The following DHX57 variants were observed in gnomAD, a reference collection of about 807,000 sequenced individuals.
DHX57 encodes the protein putative ATP-dependent RNA helicase DHX57.
In DHX57, 105 loss-of-function variants were observed where a neutral mutation model predicts 156.2. The ratio of observed to expected loss-of-function variants is 0.67; its 90% CI spans 0.57 to 0.79. The LOEUF (loss-of-function observed/expected upper bound fraction) is 0.79. Ranked by LOEUF, DHX57 falls within the 30% of genes least tolerant of loss-of-function variation. The pLI is 0.00. For missense variants in DHX57, 1,847 were observed against 1,661.9 expected, an observed-to-expected ratio of 1.11 and a Z score of -1.94; for synonymous variants, 704 against 595.6, an observed-to-expected ratio of 1.18 and a Z score of -2.65.
chr2:38,807,898 T>G (rs534767928), intron 21 of DHX57, among the ~76,000 whole-genome samples: 153 of 148,550 alleles, frequency 1.0e-3, no homozygotes, highest in African/African-American at 3.6e-3. Context: ...TACTTCCCTC[T>G]GTCTCCCAAA....
At chr2:38,865,978 A>G (rs1217492396) in intron 2 of DHX57, among the ~76,000 whole-genome samples, 1 of 152,132 alleles carries the variant, frequency 6.6e-6, no homozygotes, top group Non-Finnish European at 1.5e-5. Flanking sequence ...ACACTGCACA[A>G]AGGTTCCTGG....
At chr2:38,856,153 CTTTAAA>C (rs1474926972) in intron 7 of DHX57, among the ~76,000 whole-genome samples, 181 bp downstream of exon 7, 1 of 152,204 alleles carries the variant, frequency 6.6e-6, no homozygotes, top group African/African-American at 2.4e-5. Context: ...TAGAACTATC[CTTTAAA>C]TTTAAACATG....
In DHX57 at chr2:38,848,346, A is replaced by G. The variant is rs1341359106; in HGVS notation, c.2087T>C (p.Val696Ala). Reference sequence around the variant, plus strand: ...GTTTAGAGTTGCACTCATTAAAATAACTTGAAGACCTGGCCTCTGCGATAC... The same window carrying G: ...GTTTAGAGTTGCACTCATTAAAATAGCTTGAAGACCTGGCCTCTGCGATAC... The part of the protein sequence containing the change: ...DIVSQRPGLQ[V>A]ILMSATLNAE... The change falls in exon 10 of 24, where the codon GTT becomes GCT. Residue 696 changes from valine (V) to alanine (A), a missense_variant. Physicochemically the swap from Val to Ala is moderately conservative, Grantham distance 64. Coordinates refer to ENST00000457308, the MANE Select transcript of DHX57 (RefSeq NM_198963.3). 2.5e-6 allele frequency: 4 copies of G among 1,612,580 alleles called. No individual in the cohort carries two copies. Among genetic ancestry groups the G allele is most frequent in the Non-Finnish European group, 2.5e-6 (3 of 1,179,442 alleles).
At chr2:38,874,065 T>C (rs1039594408) in intron 1 of DHX57, among the ~76,000 whole-genome samples, 1 of 151,952 alleles carries the variant, frequency 6.6e-6, no homozygotes, top group African/African-American at 2.4e-5. Context: ...GGGTTTTGCA[T>C]TCCAGGAATA....
At position 38,820,235 on chromosome 2, in the gene DHX57, G is replaced by A. The variant is rs557648841; in HGVS notation, c.3292-1091C>T. On this transcript the variant is annotated intron_variant, in intron 17 of 23. Coordinates refer to ENST00000457308, the MANE Select transcript of DHX57 (RefSeq NM_198963.3). Reference sequence around the variant, plus strand: ...CAGGCCAGTGGGAAAAGGATTGCACGTGGGAGATTAATATTATGTTTACAG... The same window carrying A: ...CAGGCCAGTGGGAAAAGGATTGCACATGGGAGATTAATATTATGTTTACAG... 1.2e-4 allele frequency among the ~76,000 whole-genome samples: 19 copies of A among 152,228 alleles called. No homozygotes were observed. In the South Asian group the frequency reaches 2.1e-3, roughly 17 times the overall value.
chr2:38,815,616 A>AT lies in DHX57; in HGVS notation c.3510dup (p.Ser1171IlefsTer16). ...CCTTCCCTTGCAAACCCTATATCCG[A>AT]TAACAGTTCCGTGAATTGTCGTTTG... On this transcript the variant is annotated frameshift_variant, in exon 20 of 24. Transcript: ENST00000457308. LOFTEE classifies it high-confidence loss of function. 6.2e-7 allele frequency: 1 copy of AT among 1,614,098 alleles called. No homozygotes were observed. The highest frequency in any genetic ancestry group is 8.5e-7 in the Non-Finnish European group (1 of 1,180,024).
chr2:38,850,872 C>T (rs1305757010), intron 9 of DHX57, among the ~76,000 whole-genome samples: 1 of 151,908 alleles, frequency 6.6e-6, no homozygotes, highest in Non-Finnish European at 1.5e-5. Flanking sequence ...CTCAGGAGTT[C>T]AAGACAAGCC....
intron 11 of DHX57, 40 bp from the exon 12 acceptor site, chr2:38,843,250 C>A: frequency 6.2e-7 from 1 of 1,603,232 alleles, no homozygotes; most frequent in Non-Finnish European, 8.5e-7. Flanking sequence ...GTATGTGGTC[C>A]TGTTGGTGAG....
chr2:38,855,281 AT>A (rs1672839905), intron 7 of DHX57, 29 bp from the exon 8 acceptor site: 1 of 1,611,000 alleles, frequency 6.2e-7, no homozygotes, highest in Non-Finnish European at 8.5e-7. Flanking sequence ...AAGTCCTAAA[AT>A]GAAGTTTTCA....
intron 13 of DHX57, among the ~76,000 whole-genome samples, chr2:38,835,576 A>C (rs1026651304): frequency 2.0e-5 from 3 of 152,160 alleles, no homozygotes; most frequent in Non-Finnish European, 4.4e-5. Flanking sequence ...TTTTCCCTAA[A>C]TATGTCTCTA....
chr2:38,824,204 C>T (rs3099977), intron 16 of DHX57, among the ~76,000 whole-genome samples: 35,940 of 151,958 alleles, frequency 0.24, 4,413 homozygotes, highest in Admixed American at 0.28. Flanking sequence ...CTGCAATATG[C>T]AACAGTATGG....
intron 9 of DHX57, 96 bp downstream of exon 9, chr2:38,853,958 A>G: frequency 8.1e-7 from 1 of 1,232,866 alleles, no homozygotes; most frequent in Non-Finnish European, 1.1e-6. Flanking sequence ...TACCATTACT[A>G]GCTGCATGAA....
At position 38,818,886 on chromosome 2, in the gene DHX57, T is replaced by C. The variant is rs1025233081; in HGVS notation, c.3462A>G (p.Arg1154=). Residue 1154 remains arginine (R), a synonymous_variant, in exon 19 of 24, where the codon AGA becomes AGG. Coordinates refer to ENST00000457308, the MANE Select transcript of DHX57 (RefSeq NM_198963.3). The part of the protein sequence containing the change: ...NYCRQNFLSG[R]VLQEMASLKR... ...CACAGACACAACTCACCTGCAGAAC[T>C]CTTCCAGACAAGAAGTTTTGTCTGC... is the stretch of plus-strand genomic sequence containing the variant. 7 of 1,614,176 alleles carry C rather than the reference T, an allele frequency of 4.3e-6. No individual in the cohort carries two copies. The East Asian group carries it at 1.3e-4, about 31-fold the overall frequency.
At chr2:38,871,737 C>T (rs1665363178) in intron 1 of DHX57, among the ~76,000 whole-genome samples, 2 of 147,690 alleles carry the variant, frequency 1.4e-5, no homozygotes, top group East Asian at 2.0e-4. Flanking sequence ...GAGACAGTCT[C>T]ACTCTGTTGC....
chr2:38,808,746 ATTAT>A (rs764962340), intron 21 of DHX57, among the ~76,000 whole-genome samples: 1 of 152,114 alleles, frequency 6.6e-6, no homozygotes, highest in Non-Finnish European at 1.5e-5. Flanking sequence ...CCAGCATTAT[ATTAT>A]TTATTTATTT....
intron 21 of DHX57, among the ~76,000 whole-genome samples, chr2:38,809,460 T>TG (rs1670125073): frequency 1.0e-5 from 1 of 98,716 alleles, no homozygotes; most frequent in South Asian, 4.3e-4. Flanking sequence ...CTTTCTGTTT[T>TG]TTTTTTTTCT....
chr2:38,855,653 C>T (rs966956932), intron 7 of DHX57, among the ~76,000 whole-genome samples: 2 of 151,904 alleles, frequency 1.3e-5, no homozygotes, highest in African/African-American at 2.4e-5. Context: ...CTAGAAGGTA[C>T]GAATTATTAC....
intron 12 of DHX57, 26 bp from the exon 13 acceptor site, chr2:38,837,973 G>A: frequency 7.1e-7 from 1 of 1,413,012 alleles, no homozygotes; most frequent in Non-Finnish European, 1.0e-6. Context: ...GTAAAAATGA[G>A]AAGGATATTT....
chr2:38,847,195 C>T, intron 10 of DHX57, 122 bp from the exon 11 acceptor site: 1 of 757,416 alleles, frequency 1.3e-6, no homozygotes. Context: ...GTTCTGTGGT[C>T]TTAAAAGTAT....
Sources: gnomAD v4.1 joint callset for allele counts (sites outside exome capture counted in the v4.1 genomes callset) on GRCh38, gnomAD v4.1.1 for gene constraint, MANE v1.5 for transcripts, NCBI Gene and HGNC (gene_info 2026-07-23, HGNC 2026-07-21) for gene names.